GIGYF2: variants seen among roughly 807,000 people sequenced by gnomAD.
GIGYF2 encodes GRB10 interacting GYF protein 2.
Under a neutral mutation model 208.1 loss-of-function variants are expected in GIGYF2, and 25 were observed. The observed-to-expected ratio is 0.12, with a 90% CI of 0.09 to 0.17. The LOEUF is 0.17. Ranked by LOEUF, GIGYF2 falls within the 10% of genes least tolerant of loss-of-function variation. The pLI is 1.00. For missense variants in GIGYF2, 1,302 were observed against 1,579.4 expected (o/e 0.82, Z 2.98); for synonymous variants, 534 against 543.8 (o/e 0.98, Z 0.25).
Position 232,858,441 on chromosome 2 carries a change from A to C in GIGYF2, c.*1581A>C, listed in dbSNP as rs1397105772. 1.1e-5 allele frequency: 5 copies of C among 450,494 alleles called. No homozygotes were observed. The highest frequency in any genetic ancestry group is 1.8e-5 in the Non-Finnish European group (4 of 225,586). 27.9% of individuals were successfully genotyped at this position (450,494 alleles called of 1,614,324 possible). On this transcript the variant is annotated 3_prime_UTR_variant, in exon 29 of 29. Coordinates refer to ENST00000373563, the MANE Select transcript of GIGYF2 (RefSeq NM_001103146.3). ...AAAATTGTATATAGTTTTTGGATCA[A>C]ATAGCATGAGGGGAGAGGAAACCAT... is the stretch of plus-strand genomic sequence containing the variant.
Position 232,790,998 on chromosome 2 carries a change from C to G in GIGYF2, c.931-10C>G, listed in dbSNP as rs1466427056. Reference sequence around the variant, plus strand: ...TGCTGTTGATCTTTGGTTTTATTCTCTTTCTACAGAAAGTACAGAAAGAGC... The same window carrying G: ...TGCTGTTGATCTTTGGTTTTATTCTGTTTCTACAGAAAGTACAGAAAGAGC... On this transcript the variant is annotated splice_polypyrimidine_tract_variant and intron_variant, in intron 10 of 28. Coordinates refer to ENST00000373563, the MANE Select transcript of GIGYF2 (RefSeq NM_001103146.3). 1 of 1,613,980 alleles carries G rather than the reference C, an allele frequency of 6.2e-7. No individual in the cohort carries two copies. Among genetic ancestry groups the G allele is most frequent in the Non-Finnish European group, 8.5e-7 (1 of 1,179,882 alleles).
At chr2:232,815,967 T>C in intron 19 of GIGYF2, 9 of 521,112 alleles carry the variant, frequency 1.7e-5, no homozygotes, top group Non-Finnish European at 2.8e-5. Context: ...TGGCACATTG[T>C]TGATTATAGA....
intron 2 of GIGYF2, chr2:232,729,391 G>A: frequency 2.6e-6 from 1 of 379,878 alleles, no homozygotes; most frequent in Non-Finnish European, 4.4e-6. Context: ...AAAGAAGAAT[G>A]AGCAGAACAC....
At chr2:232,817,123 T>A in intron 20 of GIGYF2, 91 bp downstream of exon 20, 1 of 985,864 alleles carries the variant, frequency 1.0e-6, no homozygotes, top group Non-Finnish European at 1.6e-6. Context: ...ACTCCTGAAG[T>A]CCACAGGATT....
At chr2:232,715,813 G>T (rs1397043860) in intron 2 of GIGYF2, among the ~76,000 whole-genome samples, 1 of 112,352 alleles carries the variant, frequency 8.9e-6, no homozygotes, top group Non-Finnish European at 1.8e-5. Context: ...GATGGGAGAA[G>T]AATTTCCTTT....
At chr2:232,852,820 G>A (rs749801682) in intron 28 of GIGYF2, among the ~76,000 whole-genome samples, 6 of 152,142 alleles carry the variant, frequency 3.9e-5, no homozygotes, top group Non-Finnish European at 8.8e-5. Flanking sequence ...AGGCTGTTAG[G>A]GAAAAGGTTG....
intron 8 of GIGYF2, chr2:232,782,873 G>A (rs1482405261): frequency 6.6e-6 from 1 of 152,144 alleles, no homozygotes; most frequent in African/African-American, 2.4e-5. Flanking sequence ...GGGCTGATTG[G>A]GAGGACGCAT....
chr2:232,730,919 AAAAG>A (rs1482017557), intron 2 of GIGYF2, among the ~76,000 whole-genome samples: 72 of 151,498 alleles, frequency 4.8e-4, no homozygotes, highest in Non-Finnish European at 8.7e-4. Flanking sequence ...AAAAAAAAAA[AAAAG>A]AAATCTTTAC....
intron 8 of GIGYF2, chr2:232,776,790 T>G (rs1158806379): frequency 3.8e-6 from 1 of 265,000 alleles, no homozygotes; most frequent in African/African-American, 2.2e-5. Context: ...TTCCCTCTAA[T>G]CAGGACCGGT....
intron 13 of GIGYF2, among the ~76,000 whole-genome samples, chr2:232,795,704 T>C (rs1700202170): frequency 6.6e-6 from 1 of 151,946 alleles, no homozygotes; most frequent in South Asian, 2.1e-4. Context: ...TCAAGAACAG[T>C]CTGGATAACG....
At chr2:232,729,519 GAT>G in intron 2 of GIGYF2, 1 of 1,286,634 alleles carries the variant, frequency 7.8e-7, no homozygotes, top group Admixed American at 2.6e-5. Flanking sequence ...ACCCAGGATG[GAT>G]TTTAGATTTT....
rs1002426047 is a variant in GIGYF2, at chr2:232,860,471, C to T, written c.*3611C>T. ...ATAATATATACATATATGTTATATA[C>T]GTATATATATTGCACCCTACTTTAA... On this transcript the variant is annotated 3_prime_UTR_variant, in exon 29 of 29. Coordinates refer to ENST00000373563, the MANE Select transcript of GIGYF2 (RefSeq NM_001103146.3). 1.3e-5 allele frequency: 2 copies of T among 149,640 alleles called. No homozygotes were observed. Among genetic ancestry groups the T allele is most frequent in the Admixed American group, 6.7e-5 (1 of 14,968 alleles). 9.3% of individuals were successfully genotyped at this position (149,640 alleles called of 1,614,324 possible).
At chr2:232,831,619 A>C (rs944370772) in intron 21 of GIGYF2, among the ~76,000 whole-genome samples, 2 of 152,158 alleles carry the variant, frequency 1.3e-5, no homozygotes, top group Non-Finnish European at 2.9e-5. Flanking sequence ...GTTGCCTCAC[A>C]CTCTAAGGAG....
intron 2 of GIGYF2, among the ~76,000 whole-genome samples, chr2:232,715,227 A>G (rs146201636): frequency 1.3e-5 from 2 of 152,264 alleles, no homozygotes; most frequent in Middle Eastern, 3.4e-3. Context: ...GAATTTTCCA[A>G]GGTATGACTT....
At position 232,853,570 on chromosome 2, in the gene GIGYF2, G is replaced by A. The variant is rs12105349; in HGVS notation, c.3832+3161G>A. Among the ~76,000 whole-genome samples, 901 of 152,338 alleles carry A rather than the reference G, an allele frequency of 5.9e-3. 9 individuals are homozygous for A. Among genetic ancestry groups the A allele is most frequent in the African/African-American group, 0.021 (873 of 41,574 alleles). ...TTATAAGGGTGAGCCACCGTGCCCGGCTGGCTTCCTCTTTTTTTAGAGCTC... is the reference window on the plus strand; with the variant it reads ...TTATAAGGGTGAGCCACCGTGCCCGACTGGCTTCCTCTTTTTTTAGAGCTC... On this transcript the variant is annotated intron_variant, in intron 28 of 28. Coordinates refer to ENST00000373563, the MANE Select transcript of GIGYF2 (RefSeq NM_001103146.3).
At chr2:232,756,624 A>G (rs1698553761) in intron 6 of GIGYF2, among the ~76,000 whole-genome samples, 1 of 152,114 alleles carries the variant, frequency 6.6e-6, no homozygotes, top group Non-Finnish European at 1.5e-5. Flanking sequence ...GGAGAGCCTT[A>G]CACTCTGGGA....
intron 2 of GIGYF2, among the ~76,000 whole-genome samples, chr2:232,709,378 C>G (rs560667765): frequency 1.3e-5 from 2 of 152,240 alleles, no homozygotes; most frequent in South Asian, 4.1e-4. Context: ...CAGGGTCTTG[C>G]TCTGTCATGC....
At chr2:232,778,227 C>T (rs561388559) in intron 8 of GIGYF2, among the ~76,000 whole-genome samples, 3 of 152,312 alleles carry the variant, frequency 2.0e-5, no homozygotes, top group South Asian at 4.1e-4. Context: ...TGAGCCACTT[C>T]ACCTGGCCTG....
chr2:232,799,001 A>G (rs146878379), intron 14 of GIGYF2, among the ~76,000 whole-genome samples: 1 of 150,778 alleles, frequency 6.6e-6, no homozygotes, highest in African/African-American at 2.4e-5. Context: ...TGAATTTTCT[A>G]TCTGTTTCTA....
Sources: gnomAD v4.1 joint callset for allele counts (sites outside exome capture counted in the v4.1 genomes callset) on GRCh38, gnomAD v4.1.1 for gene constraint, MANE v1.5 for transcripts, NCBI Gene and HGNC (gene_info 2026-07-23, HGNC 2026-07-21) for gene names.